Variants in SOHLH2 observed in about 807,000 individuals in gnomAD.
The protein encoded by SOHLH2 is spermatogenesis and oogenesis specific basic helix-loop-helix 2, also known as spermatogenesis- and oogenesis-specific basic helix-loop-helix-containing protein 2.
In SOHLH2, 22 loss-of-function variants were observed where a neutral mutation model predicts 50.4. That is an observed-to-expected ratio of 0.44 (90% CI 0.31 to 0.62). The LOEUF is 0.62. SOHLH2 is among the 20% of genes least tolerant of loss of function. The pLI, the probability that SOHLH2 is intolerant of heterozygous loss-of-function variation, is 0.08. For synonymous variants in SOHLH2, 185 were observed against 187.3 expected (o/e 0.99, Z 0.10); for missense variants, 412 against 504.4 (o/e 0.82, Z 1.76).
At position 36,174,714 on chromosome 13, in the gene SOHLH2, T is replaced by C. The variant is rs1395947175; in HGVS notation, c.789+8A>G. The C allele has an allele frequency of 6.3e-7, 1 of 1,595,274 alleles. No homozygotes were observed. The highest frequency in any genetic ancestry group is 1.8e-5 in the Admixed American group (1 of 56,108). On this transcript the variant is annotated splice_region_variant and intron_variant, in intron 7 of 10. Transcript: ENST00000379881. ...AGGATAAAATTCAAAGCTTTGGGAG[T>C]CAAATACCTGGGCCATAACGGCTGG...
intron 1 of SOHLH2, among the ~76,000 whole-genome samples, chr13:36,209,998 A>C (rs1440423685): frequency 1.6e-5 from 1 of 60,898 alleles, no homozygotes; most frequent in Non-Finnish European, 3.4e-5. Context: ...TACTCTGAAG[A>C]CCAAGTATGT....
chr13:36,184,671 G>A (rs1029975407), intron 6 of SOHLH2, among the ~76,000 whole-genome samples: 1 of 151,970 alleles, frequency 6.6e-6, no homozygotes, highest in Admixed American at 6.6e-5. Context: ...TGTTAGCTAG[G>A]ATGGTCTCGA....
intron 6 of SOHLH2, chr13:36,182,138 C>T (rs1887274235): frequency 2.0e-6 from 2 of 985,348 alleles, no homozygotes; most frequent in Non-Finnish European, 2.4e-6. Flanking sequence ...TACTTTATGT[C>T]CCTTTGATTG....
At chr13:36,197,358 CCACT>C (rs1887763665) in intron 2 of SOHLH2, among the ~76,000 whole-genome samples, 1 of 152,124 alleles carries the variant, frequency 6.6e-6, no homozygotes. Context: ...CAGTACCCAC[CCACT>C]GTCTTGCCCC....
chr13:36,186,005 G>A (rs1887408148), intron 6 of SOHLH2, among the ~76,000 whole-genome samples: 1 of 152,056 alleles, frequency 6.6e-6, no homozygotes, highest in Non-Finnish European at 1.5e-5. Flanking sequence ...ACCAGTATGA[G>A]ATAAAGACAT....
In SOHLH2 at chr13:36,182,622, G is replaced by C. The variant is rs535473962; in HGVS notation, c.641+7324C>G. The C allele has an allele frequency of 3.9e-5, 6 of 152,420 alleles. No homozygotes were observed. The South Asian group carries it at 6.2e-4, about 16-fold the overall frequency. 9.4% of individuals were successfully genotyped at this position (152,420 alleles called of 1,614,324 possible). A position where few individuals can be genotyped will look rare whatever the true frequency, so the allele number is the denominator to read the frequency against. On this transcript the variant is annotated intron_variant, in intron 6 of 10. Coordinates refer to ENST00000379881, the MANE Select transcript of SOHLH2 (RefSeq NM_017826.3). ...CACCCACCAGAAGACCACATGTGTGGATGACGCTGCGCTGGAATCTCCAGA... is the reference window on the plus strand; with the variant it reads ...CACCCACCAGAAGACCACATGTGTGCATGACGCTGCGCTGGAATCTCCAGA...
At position 36,190,067 on chromosome 13, in the gene SOHLH2, G is replaced by C. The variant is rs1472999633; in HGVS notation, c.531-11C>G. The C allele has an allele frequency of 6.3e-7, 1 of 1,593,218 alleles. No homozygotes were observed. The highest frequency in any genetic ancestry group is 1.3e-5 in the African/African-American group (1 of 74,244). On this transcript the variant is annotated splice_polypyrimidine_tract_variant and intron_variant, in intron 5 of 10. Transcript: ENST00000379881. ...CTTAAAGATTCAGAGCTAGAAACAA[G>C]AGAAAATCACACCATACATTAAAGG...
At chr13:36,210,926 A>G (rs2138335310) in intron 1 of SOHLH2, among the ~76,000 whole-genome samples, 1 of 152,262 alleles carries the variant, frequency 6.6e-6, no homozygotes, top group East Asian at 1.9e-4. Context: ...GCAGCACTTT[A>G]GGAGCAGCAT....
Position 36,174,523 on chromosome 13 carries a change from T to C in SOHLH2, c.834A>G (p.Gln278=), listed in dbSNP as rs1434485332. ...GGAGAGACAGCTCAATGGGTGTTTG[T>C]TGTTTCTTACAAAACCTCATGTTGC... is the stretch of plus-strand genomic sequence containing the variant. ...LQSNMRFCKK[Q]QTPIELSLPG... is the part of the protein sequence containing the mutation. The change falls in exon 8 of 11, where the codon CAA becomes CAG. Residue 278 remains glutamine (Q), a synonymous_variant. Transcript: ENST00000379881. The C allele has an allele frequency of 5.0e-6, 8 of 1,614,228 alleles. No homozygotes were observed. The highest frequency in any genetic ancestry group is 2.2e-5 in the East Asian group (1 of 44,886).
intron 1 of SOHLH2, among the ~76,000 whole-genome samples, chr13:36,209,271 C>A (rs926327348): frequency 3.3e-5 from 5 of 151,564 alleles, no homozygotes; most frequent in Admixed American, 1.3e-4. Context: ...TTTTTCATAA[C>A]CTGCTATTTT....
chr13:36,168,788 A>C lies in SOHLH2; in HGVS notation c.*246T>G. ...GGTCACTGAGGCCATTTGTTCTTGT[A>C]GCTCTCTGGCTGGCGGGGATCCAAG... On this transcript the variant is annotated 3_prime_UTR_variant, in exon 11 of 11. Transcript: ENST00000379881. 3 of 488,242 alleles carry C rather than the reference A, an allele frequency of 6.1e-6. No individual in the cohort carries two copies. The highest frequency in any genetic ancestry group is 1.0e-5 in the Non-Finnish European group (3 of 289,256). The allele number at this position is 488,242 out of a possible 1,614,324, so 30.2% of individuals were successfully genotyped here.
intron 6 of SOHLH2, 87 bp from the exon 7 acceptor site, chr13:36,174,956 T>G: frequency 6.7e-7 from 1 of 1,498,334 alleles, no homozygotes; most frequent in Non-Finnish European, 8.9e-7. Context: ...CTCCTGGGTA[T>G]GTTTGTAAAG....
chr13:36,196,096 A>AT (rs1887715514), intron 2 of SOHLH2, among the ~76,000 whole-genome samples: 2 of 120,560 alleles, frequency 1.7e-5, no homozygotes, highest in East Asian at 2.1e-4. Context: ...AGACAGACAG[A>AT]AAGATAGATA....
chr13:36,189,572 T>C (rs568580491), intron 6 of SOHLH2, among the ~76,000 whole-genome samples: 1 of 152,330 alleles, frequency 6.6e-6, no homozygotes, highest in Non-Finnish European at 1.5e-5. Context: ...AAGAAAACTT[T>C]TACTGTCCCC....
chr13:36,171,031 C>T (rs1886949693), intron 9 of SOHLH2, among the ~76,000 whole-genome samples: 1 of 152,104 alleles, frequency 6.6e-6, no homozygotes, highest in Admixed American at 6.5e-5. Context: ...AGCAGAAGAT[C>T]CCTGTGCCTT....
At chr13:36,174,320 A>G (rs1223707896) in intron 8 of SOHLH2, among the ~76,000 whole-genome samples, 156 bp downstream of exon 8, 1 of 152,226 alleles carries the variant, frequency 6.6e-6, no homozygotes, top group Non-Finnish European at 1.5e-5. Flanking sequence ...TTATCACTGC[A>G]ACGAAATGAT....
chr13:36,182,750 C>T (rs1431966173), intron 6 of SOHLH2: 2 of 152,234 alleles, frequency 1.3e-5, no homozygotes, highest in Non-Finnish European at 2.9e-5. Context: ...CTCACAAAAT[C>T]ATGAGATATG....
At chr13:36,180,833 A>G (rs1353259235) in intron 6 of SOHLH2, among the ~76,000 whole-genome samples, 1 of 152,130 alleles carries the variant, frequency 6.6e-6, no homozygotes. Context: ...GCCACTGAGA[A>G]GGAGTCTTCT....
chr13:36,210,871 T>C (rs1307476581), intron 1 of SOHLH2, among the ~76,000 whole-genome samples: 14 of 152,362 alleles, frequency 9.2e-5, no homozygotes, highest in Non-Finnish European at 4.4e-5. Flanking sequence ...GTTGGGGCCC[T>C]ACTAGTGTGT....
Sources: gnomAD v4.1 joint callset for allele counts (sites outside exome capture counted in the v4.1 genomes callset) on GRCh38, gnomAD v4.1.1 for gene constraint, MANE v1.5 for transcripts, NCBI Gene and HGNC (gene_info 2026-07-23, HGNC 2026-07-21) for gene names.